Variants in SPATS2L observed in about 807,000 individuals in gnomAD.
SPATS2L encodes the protein SPATS2-like protein.
SPATS2L carries 30 observed loss-of-function variants against 59.6 expected under a neutral mutation model. The observed-to-expected ratio is 0.50, with a 90% CI of 0.38 to 0.68. The LOEUF (loss-of-function observed/expected upper bound fraction) is 0.68. Among genes scored for constraint, SPATS2L ranks in the 30% least tolerant of loss-of-function variants. SPATS2L has a pLI of 0.00. For synonymous variants in SPATS2L, 252 were observed against 263.5 expected, an observed-to-expected ratio of 0.96 and a Z score of 0.42; for missense variants, 615 against 700.0, an observed-to-expected ratio of 0.88 and a Z score of 1.37.
In SPATS2L at chr2:200,467,275, CT is replaced by C. The variant is rs749945400; in HGVS notation, c.848-14del. ...AATCTCTGGCCCTAATGTATGACTC[CT>C]CCTTATTTGGCAGTGGAAATCCTGA... is the stretch of plus-strand genomic sequence containing the variant. On this transcript the variant is annotated splice_polypyrimidine_tract_variant and intron_variant, in intron 9 of 12. Transcript: ENST00000409140. 1 of 1,573,196 alleles carries C rather than the reference CT, an allele frequency of 6.4e-7. No homozygotes were observed. Among genetic ancestry groups the C allele is most frequent in the Admixed American group, 1.7e-5 (1 of 59,904 alleles).
At chr2:200,375,215 G>A (rs295123) in intron 2 of SPATS2L, among the ~76,000 whole-genome samples, 151,173 of 152,352 alleles carry the variant, frequency 0.99, 75,007 homozygotes, top group Middle Eastern at 1. Context: ...CTGGAGTTAC[G>A]TGGGTATATA....
chr2:200,335,448 A>T (rs2080112331), intron 2 of SPATS2L, among the ~76,000 whole-genome samples: 1 of 152,038 alleles, frequency 6.6e-6, no homozygotes, highest in African/African-American at 2.4e-5. Context: ...AAGGACCTGG[A>T]GGGCTTCCAA....
At chr2:200,310,226 C>A (rs2079149391) in intron 1 of SPATS2L, among the ~76,000 whole-genome samples, 1 of 152,184 alleles carries the variant, frequency 6.6e-6, no homozygotes, top group African/African-American at 2.4e-5. Context: ...TAAACTTCTT[C>A]CTTTTATGAT....
intron 2 of SPATS2L, among the ~76,000 whole-genome samples, chr2:200,353,239 A>G (rs2080800577): frequency 6.6e-6 from 1 of 152,194 alleles, no homozygotes. Context: ...CTGGAAATGG[A>G]AATTTGGCTC....
intron 3 of SPATS2L, among the ~76,000 whole-genome samples, chr2:200,406,409 T>TA (rs61166425): frequency 0.01 from 1,338 of 131,240 alleles, 11 homozygotes; most frequent in East Asian, 0.059. Flanking sequence ...AGCACAAGTT[T>TA]AAAAAAAAAA....
intron 2 of SPATS2L, among the ~76,000 whole-genome samples, chr2:200,385,584 T>C (rs1192488960): frequency 1.3e-5 from 2 of 152,132 alleles, no homozygotes; most frequent in Non-Finnish European, 2.9e-5. Flanking sequence ...GTGCAGACAC[T>C]CAACGAGGAC....
intron 2 of SPATS2L, among the ~76,000 whole-genome samples, chr2:200,360,179 C>T (rs935928000): frequency 1.6e-4 from 25 of 152,142 alleles, no homozygotes; most frequent in Non-Finnish European, 3.7e-4. Context: ...AGAACAATTT[C>T]ACTGGGGTTT....
At chr2:200,377,623 A>G (rs1291728454) in intron 2 of SPATS2L, among the ~76,000 whole-genome samples, 1 of 152,176 alleles carries the variant, frequency 6.6e-6, no homozygotes, top group African/African-American at 2.4e-5. Flanking sequence ...TCTGCCCCAA[A>G]TGTACTCTAT....
intron 3 of SPATS2L, 77 bp from the exon 4 acceptor site, chr2:200,412,234 A>T: frequency 1.2e-6 from 1 of 845,130 alleles, no homozygotes; most frequent in Non-Finnish European, 1.7e-6. Context: ...TTGTAATTCT[A>T]TCCAGTGGGC....
At chr2:200,452,892 TA>T (rs3835860) in intron 8 of SPATS2L, among the ~76,000 whole-genome samples, 62,231 of 151,200 alleles carry the variant, frequency 0.41, 13,473 homozygotes, top group East Asian at 0.57. Context: ...GTGCTGCATT[TA>T]AAAAAAAAAA....
chr2:200,438,600 C>A (rs1325357018), intron 6 of SPATS2L, among the ~76,000 whole-genome samples: 2 of 152,138 alleles, frequency 1.3e-5, no homozygotes, highest in Non-Finnish European at 2.9e-5. Flanking sequence ...AAATTAGATG[C>A]AATGATTATA....
chr2:200,386,982 G>A (rs907482458), intron 2 of SPATS2L, among the ~76,000 whole-genome samples: 3 of 152,150 alleles, frequency 2.0e-5, no homozygotes, highest in African/African-American at 7.2e-5. Context: ...AGACTGTCTT[G>A]CAGGCTTGTA....
intron 12 of SPATS2L, among the ~76,000 whole-genome samples, chr2:200,473,982 A>G (rs775328294): frequency 1.4e-4 from 22 of 152,182 alleles, no homozygotes; most frequent in Admixed American, 2.6e-4. Context: ...CCTGGGCAAC[A>G]GAGTGAGACT....
At chr2:200,448,455 AAACAAC>A (rs888577250) in intron 8 of SPATS2L, among the ~76,000 whole-genome samples, 55 of 152,262 alleles carry the variant, frequency 3.6e-4, no homozygotes, top group African/African-American at 5.1e-4. Context: ...AACAAAAACA[AAACAAC>A]AACAACAACA....
In SPATS2L at chr2:200,477,968, G is replaced by A. The variant is rs752841760; in HGVS notation, c.1614G>A (p.Thr538=). 32 of 1,601,890 alleles carry A rather than the reference G, an allele frequency of 2.0e-5. No individual in the cohort carries two copies. The highest frequency in any genetic ancestry group is 2.7e-5 in the Non-Finnish European group (32 of 1,174,432). Residue 538 remains threonine, a synonymous_variant, in exon 13 of 13, where the codon ACG becomes ACA. Transcript: ENST00000409140. ...TTTCACAGTGCAATCTCTGCCCCAC[G>A]AGAATAGAAGTTTCCACAGATGCAG... The part of the protein sequence containing the change: ...GRVSQCNLCP[T]RIEVSTDAAV...
intron 11 of SPATS2L, among the ~76,000 whole-genome samples, chr2:200,471,349 G>C (rs1172990269): frequency 1.3e-5 from 2 of 151,964 alleles, no homozygotes; most frequent in Non-Finnish European, 1.5e-5. Flanking sequence ...TCTAAAAAAG[G>C]GAACTGCCCA....
At chr2:200,380,599 C>T (rs1484111771) in intron 2 of SPATS2L, among the ~76,000 whole-genome samples, 1 of 152,198 alleles carries the variant, frequency 6.6e-6, no homozygotes, top group Non-Finnish European at 1.5e-5. Context: ...ATAAAACATT[C>T]AATTTTCTTT....
At chr2:200,347,992 C>A (rs1027149394) in intron 2 of SPATS2L, among the ~76,000 whole-genome samples, 1 of 152,168 alleles carries the variant, frequency 6.6e-6, no homozygotes, top group Non-Finnish European at 1.5e-5. Flanking sequence ...AGGGTGGAAT[C>A]AAAAGCTTGC....
At chr2:200,323,143 T>C (rs889345469) in intron 1 of SPATS2L, among the ~76,000 whole-genome samples, 1 of 152,182 alleles carries the variant, frequency 6.6e-6, no homozygotes, top group Non-Finnish European at 1.5e-5. Context: ...GTTAGAACTG[T>C]GAACAGAGAA....
Sources: gnomAD v4.1 joint callset for allele counts (sites outside exome capture counted in the v4.1 genomes callset) on GRCh38, gnomAD v4.1.1 for gene constraint, MANE v1.5 for transcripts, NCBI Gene and HGNC (gene_info 2026-07-23, HGNC 2026-07-21) for gene names.